Variants in LRMDA observed in about 807,000 individuals in gnomAD.
LRMDA encodes the protein leucine rich melanocyte differentiation associated.
LRMDA carries 18 observed loss-of-function variants against 29.8 expected under a neutral mutation model. That is an observed-to-expected ratio of 0.60 (90% CI 0.42 to 0.90). The LOEUF (loss-of-function observed/expected upper bound fraction) is 0.90, where lower values mean the gene tolerates loss of function less well. Ranked by LOEUF, LRMDA falls within the 40% of genes least tolerant of loss-of-function variation. LRMDA has a pLI of 0.00. For missense variants in LRMDA, 273 were observed against 273.9 expected, an observed-to-expected ratio of 1.00 and a Z score of 0.02; for synonymous variants, 125 against 109.4, an observed-to-expected ratio of 1.14 and a Z score of -0.89.
At chr10:75,859,185 G>A (rs1488068268) in intron 2 of LRMDA, among the ~76,000 whole-genome samples, 2 of 152,166 alleles carry the variant, frequency 1.3e-5, no homozygotes, top group East Asian at 3.8e-4. Flanking sequence ...CTTATTATGG[G>A]CCTTTTGTGC....
At chr10:76,158,061 A>G (rs538855215) in intron 5 of LRMDA, among the ~76,000 whole-genome samples, 14 of 152,268 alleles carry the variant, frequency 9.2e-5, no homozygotes, top group African/African-American at 3.4e-4. Flanking sequence ...TGACTGAAAT[A>G]TCATTATGTG....
chr10:76,019,484 C>G (rs888365446), intron 2 of LRMDA, among the ~76,000 whole-genome samples: 2 of 152,002 alleles, frequency 1.3e-5, no homozygotes, highest in African/African-American at 4.8e-5. Flanking sequence ...ATGAACTCAT[C>G]ATGATTTGGC....
chr10:75,593,577 C>G (rs1351503972), intron 2 of LRMDA, among the ~76,000 whole-genome samples: 1 of 152,238 alleles, frequency 6.6e-6, no homozygotes, highest in African/African-American at 2.4e-5. Flanking sequence ...TGGATAGTTT[C>G]AGTTGTTGCT....
At chr10:76,314,941 TG>T (rs972672114) in intron 5 of LRMDA, among the ~76,000 whole-genome samples, 8 of 152,230 alleles carry the variant, frequency 5.3e-5, no homozygotes, top group Admixed American at 4.6e-4. Context: ...TACCATGAGT[TG>T]ATTCATATCT....
intron 2 of LRMDA, among the ~76,000 whole-genome samples, chr10:75,806,019 G>A (rs1843845380): frequency 6.6e-6 from 1 of 152,140 alleles, no homozygotes; most frequent in Non-Finnish European, 1.5e-5. Flanking sequence ...TTCTAGCGAG[G>A]CCTCAGGGAG....
intron 6 of LRMDA, among the ~76,000 whole-genome samples, chr10:76,510,133 C>T (rs759905031): frequency 1.8e-4 from 27 of 152,084 alleles, no homozygotes; most frequent in African/African-American, 3.1e-4. Context: ...TGGAGTGGCA[C>T]GATCTCGGCT....
chr10:76,533,423 T>A (rs1843256626), intron 6 of LRMDA, among the ~76,000 whole-genome samples: 1 of 152,226 alleles, frequency 6.6e-6, no homozygotes, highest in African/African-American at 2.4e-5. Context: ...TTTAGATCTT[T>A]ATCATATAAG....
intron 2 of LRMDA, among the ~76,000 whole-genome samples, chr10:75,555,136 C>T (rs1321641409): frequency 6.6e-6 from 1 of 152,146 alleles, no homozygotes; most frequent in South Asian, 2.1e-4. Context: ...CTCTCCATGG[C>T]CCTATGAGAG....
chr10:76,071,395 G>T (rs951979303), intron 5 of LRMDA, among the ~76,000 whole-genome samples: 1 of 152,150 alleles, frequency 6.6e-6, no homozygotes, highest in East Asian at 1.9e-4. Flanking sequence ...AGAAAGAGAG[G>T]TTCTAACTTC....
At chr10:76,159,566 A>G (rs1011570838) in intron 5 of LRMDA, among the ~76,000 whole-genome samples, 1 of 152,188 alleles carries the variant, frequency 6.6e-6, no homozygotes, top group Non-Finnish European at 1.5e-5. Context: ...TTATGTCCAC[A>G]TAGAAACTTG....
At chr10:76,555,961 A>G (rs551519520) in intron 6 of LRMDA, among the ~76,000 whole-genome samples, 165 of 152,284 alleles carry the variant, frequency 1.1e-3, no homozygotes, top group Middle Eastern at 3.4e-3. Context: ...GATTAGCGCT[A>G]AGACAACTCT....
intron 5 of LRMDA, among the ~76,000 whole-genome samples, chr10:76,142,041 C>T (rs1850211502): frequency 6.6e-6 from 1 of 151,984 alleles, no homozygotes; most frequent in Admixed American, 6.6e-5. Context: ...AAGCCCTTAT[C>T]TCAACTTTTC....
Position 76,537,261 on chromosome 10 carries a change from AC to A in LRMDA, c.602-19946del, listed in dbSNP as rs1448756283. Among the ~76,000 whole-genome samples the A allele has an allele frequency of 7.9e-5, 12 of 152,328 alleles. No homozygotes were observed. In the East Asian group the frequency reaches 2.1e-3, roughly 27 times the overall value. On this transcript the variant is annotated intron_variant, in intron 6 of 6. Coordinates refer to ENST00000611255, the MANE Select transcript of LRMDA (RefSeq NM_001305581.2). ...TCCAGTAGCCCTTGTTATTTTGGAAACCAGTATGTGGATGCTAGATGCCCTA... is the reference window on the plus strand; with the variant it reads ...TCCAGTAGCCCTTGTTATTTTGGAAACAGTATGTGGATGCTAGATGCCCTA...
intron 6 of LRMDA, among the ~76,000 whole-genome samples, chr10:76,359,208 G>T (rs1438980372): frequency 6.6e-6 from 1 of 152,154 alleles, no homozygotes; most frequent in African/African-American, 2.4e-5. Flanking sequence ...ACTAATGCTG[G>T]TAACAAGTAC....
At chr10:76,481,875 C>T (rs555651632) in intron 6 of LRMDA, among the ~76,000 whole-genome samples, 3 of 151,960 alleles carry the variant, frequency 2.0e-5, no homozygotes, top group South Asian at 4.2e-4. Context: ...CATTTCATGA[C>T]CCCAAACATT....
intron 6 of LRMDA, among the ~76,000 whole-genome samples, chr10:76,447,488 A>G (rs1842365058): frequency 6.6e-6 from 1 of 152,122 alleles, no homozygotes; most frequent in Non-Finnish European, 1.5e-5. Context: ...ACCTTTAAAT[A>G]TCCATCATGT....
At chr10:76,202,250 C>T (rs995926735) in intron 5 of LRMDA, among the ~76,000 whole-genome samples, 8 of 152,150 alleles carry the variant, frequency 5.3e-5, no homozygotes, top group Admixed American at 1.3e-4. Flanking sequence ...GAGCCATTAC[C>T]GCAACAGTCT....
chr10:76,504,198 C>T (rs943715272), intron 6 of LRMDA, among the ~76,000 whole-genome samples: 1 of 151,770 alleles, frequency 6.6e-6, no homozygotes, highest in Non-Finnish European at 1.5e-5. Flanking sequence ...AGAGTGTGCA[C>T]AGTATGATAT....
intron 6 of LRMDA, among the ~76,000 whole-genome samples, chr10:76,434,933 T>G (rs1026195901): frequency 6.6e-6 from 1 of 152,184 alleles, no homozygotes; most frequent in Non-Finnish European, 1.5e-5. Flanking sequence ...AGCCAGGCAC[T>G]GTGTTAGGAG....
Sources: gnomAD v4.1 joint callset for allele counts (sites outside exome capture counted in the v4.1 genomes callset) on GRCh38, gnomAD v4.1.1 for gene constraint, MANE v1.5 for transcripts, NCBI Gene and HGNC (gene_info 2026-07-23, HGNC 2026-07-21) for gene names.